Variants in DOCK1 observed in about 807,000 individuals in gnomAD.
DOCK1 encodes the protein dedicator of cytokinesis protein 1.
DOCK1 carries 138 observed loss-of-function variants against 262.7 expected under a neutral mutation model. That is an observed-to-expected ratio of 0.53 (90% CI 0.46 to 0.61). The LOEUF (loss-of-function observed/expected upper bound fraction) is 0.61. Ranked by LOEUF, DOCK1 falls within the 20% of genes least tolerant of loss-of-function variation. DOCK1 has a pLI of 0.00. For missense variants in DOCK1, 1,908 were observed against 2,370.7 expected, an observed-to-expected ratio of 0.80 and a Z score of 4.05; for synonymous variants, 866 against 867.4, an observed-to-expected ratio of 1.00 and a Z score of 0.03.
chr10:126,942,902 T>C (rs2035128620), intron 1 of DOCK1, among the ~76,000 whole-genome samples: 1 of 152,208 alleles, frequency 6.6e-6, no homozygotes, highest in Non-Finnish European at 1.5e-5. Flanking sequence ...TTTGTGATTT[T>C]AGTTACTATC....
At chr10:127,076,182 A>G (rs533585108) in intron 23 of DOCK1, among the ~76,000 whole-genome samples, 7 of 152,322 alleles carry the variant, frequency 4.6e-5, no homozygotes, top group Non-Finnish European at 7.3e-5. Context: ...CCAAAACCTC[A>G]ACTAAAATGA....
intron 27 of DOCK1, among the ~76,000 whole-genome samples, chr10:127,179,993 A>AT (rs1056243757): frequency 2.0e-5 from 3 of 152,074 alleles, no homozygotes; most frequent in African/African-American, 7.2e-5. Context: ...CGATTTTGGG[A>AT]TTTTTTGCAA....
intron 38 of DOCK1, among the ~76,000 whole-genome samples, 178 bp downstream of exon 38, chr10:127,385,087 A>T (rs1361203699): frequency 4.7e-5 from 7 of 149,514 alleles, no homozygotes; most frequent in Non-Finnish European, 3.0e-5. Flanking sequence ...ATCTTCTTTT[A>T]AAAAAAATCA....
chr10:127,419,386 C>G (rs1172789410), intron 45 of DOCK1, among the ~76,000 whole-genome samples: 2 of 152,148 alleles, frequency 1.3e-5, no homozygotes, highest in Non-Finnish European at 2.9e-5. Context: ...TATTCACTGC[C>G]ACCCAGCAGG....
At chr10:127,105,592 C>G (rs183381689) in intron 23 of DOCK1, among the ~76,000 whole-genome samples, 1 of 152,144 alleles carries the variant, frequency 6.6e-6, no homozygotes, top group African/African-American at 2.4e-5. Context: ...GCTTTATCCT[C>G]ACAGAGCTCT....
rs113571699 is a variant in DOCK1, at chr10:126,973,037, CTT to C, written c.130+2255_130+2256del. ...AGGATCAAACCGCTCATCTCAGACA[CTT>C]TTCTGATTTGAAGGGAAATGCTCTT... On this transcript the variant is annotated intron_variant, in intron 2 of 51. Coordinates refer to ENST00000623213, the MANE Select transcript of DOCK1 (RefSeq NM_001290223.2). 3.2e-3 allele frequency among the ~76,000 whole-genome samples: 487 copies of C among 152,014 alleles called. 3 individuals carry two copies. Among genetic ancestry groups the C allele is most frequent in the African/African-American group, 0.011 (467 of 41,472 alleles).
At chr10:127,259,595 G>A (rs1015834775) in intron 29 of DOCK1, among the ~76,000 whole-genome samples, 10 of 152,078 alleles carry the variant, frequency 6.6e-5, no homozygotes, top group Non-Finnish European at 1.3e-4. Context: ...ACTCCTCTAC[G>A]TGTAGACCTG....
chr10:127,253,083 A>G (rs1203998040), intron 28 of DOCK1, among the ~76,000 whole-genome samples: 1 of 152,172 alleles, frequency 6.6e-6, no homozygotes, highest in Non-Finnish European at 1.5e-5. Context: ...CTCTGAGGAC[A>G]GAGACCATCC....
At chr10:127,028,726 G>C (rs1434680401) in intron 16 of DOCK1, among the ~76,000 whole-genome samples, 1 of 152,214 alleles carries the variant, frequency 6.6e-6, no homozygotes, top group Non-Finnish European at 1.5e-5. Flanking sequence ...GCAAGAACCA[G>C]CTAGGGCGTG....
intron 12 of DOCK1, chr10:127,015,220 A>T (rs1010586367): frequency 6.6e-6 from 1 of 152,082 alleles, no homozygotes; most frequent in Non-Finnish European, 1.5e-5. Flanking sequence ...AAAGAAAAGA[A>T]ACACCAAGAA....
chr10:127,202,304 C>T (rs1458845734), intron 27 of DOCK1, among the ~76,000 whole-genome samples: 2 of 150,026 alleles, frequency 1.3e-5, no homozygotes, highest in East Asian at 3.9e-4. Flanking sequence ...GCCTGGGTGA[C>T]AGAGCGAGAC....
chr10:127,201,994 C>T (rs2057481800), intron 27 of DOCK1, among the ~76,000 whole-genome samples: 1 of 152,126 alleles, frequency 6.6e-6, no homozygotes, highest in African/African-American at 2.4e-5. Context: ...AAGTGGCTGA[C>T]ATGCCCACAG....
intron 29 of DOCK1, among the ~76,000 whole-genome samples, chr10:127,287,074 AT>A (rs2061182866): frequency 6.6e-6 from 1 of 151,616 alleles, no homozygotes; most frequent in Admixed American, 6.6e-5. Context: ...AGCCCAGCTA[AT>A]TTTTTGTATT....
intron 37 of DOCK1, among the ~76,000 whole-genome samples, 183 bp downstream of exon 37, chr10:127,381,551 C>T (rs768091409): frequency 1.5e-4 from 23 of 152,202 alleles, no homozygotes; most frequent in Non-Finnish European, 2.5e-4. Flanking sequence ...AGATTTGTCC[C>T]TGCTGAATGC....
At chr10:126,949,050 G>A (rs1178243670) in intron 1 of DOCK1, among the ~76,000 whole-genome samples, 2 of 152,072 alleles carry the variant, frequency 1.3e-5, no homozygotes, top group African/African-American at 2.4e-5. Flanking sequence ...GCCACCCTTC[G>A]GGATCCTGGC....
intron 13 of DOCK1, among the ~76,000 whole-genome samples, chr10:127,021,016 C>T (rs1230347650): frequency 6.6e-6 from 1 of 152,168 alleles, no homozygotes; most frequent in African/African-American, 2.4e-5. Flanking sequence ...CAGGAGTCCA[C>T]TATGTCTGCT....
intron 25 of DOCK1, among the ~76,000 whole-genome samples, chr10:127,121,296 A>T (rs1350706997): frequency 1.3e-5 from 2 of 149,210 alleles, no homozygotes; most frequent in Non-Finnish European, 3.0e-5. Flanking sequence ...AACTAATGGG[A>T]CTATCAGTGC....
chr10:127,434,213 G>T (rs1391801715), intron 48 of DOCK1, among the ~76,000 whole-genome samples: 5 of 146,678 alleles, frequency 3.4e-5, no homozygotes, highest in Non-Finnish European at 7.5e-5. Flanking sequence ...GTTTATTTTT[G>T]TTTCTGCTGA....
At chr10:127,277,768 A>C (rs2060796365) in intron 29 of DOCK1, among the ~76,000 whole-genome samples, 1 of 152,186 alleles carries the variant, frequency 6.6e-6, no homozygotes, top group Non-Finnish European at 1.5e-5. Context: ...ATCTCAAAAA[A>C]AGAACTGAAG....
Sources: allele counts gnomAD v4.1 joint callset (sites outside exome capture counted in the v4.1 genomes callset), GRCh38; gene constraint gnomAD v4.1.1; transcripts MANE v1.5; gene names NCBI Gene and HGNC (gene_info 2026-07-23, HGNC 2026-07-21).